Variants in PRKG1 observed in about 807,000 individuals in gnomAD.
PRKG1 encodes the protein protein kinase cGMP-dependent 1, also known as cGMP-dependent protein kinase 1.
A neutral mutation model predicts 88.1 loss-of-function variants in PRKG1; 35 were observed. The observed-to-expected ratio is 0.40, with a 90% CI of 0.30 to 0.53. The LOEUF (loss-of-function observed/expected upper bound fraction) is 0.53. Ranked by LOEUF, PRKG1 falls within the 20% of genes least tolerant of loss-of-function variation. The probability of loss-of-function intolerance (pLI) is 0.59; values close to 1 mark genes in which losing one functional copy is unlikely to be tolerated. For missense variants in PRKG1, 540 were observed against 839.8 expected, an observed-to-expected ratio of 0.64 and a Z score of 4.41; for synonymous variants, 303 against 292.5, an observed-to-expected ratio of 1.04 and a Z score of -0.37.
intron 1 of PRKG1, among the ~76,000 whole-genome samples, chr10:51,040,232 TTG>T (rs373057468): frequency 0.27 from 31,321 of 117,580 alleles, 4,060 homozygotes; most frequent in Admixed American, 0.34. Flanking sequence ...TCCATTCCAT[TTG>T]TGTGTGTGTG....
intron 3 of PRKG1, among the ~76,000 whole-genome samples, chr10:51,651,953 C>T (rs1472997945): frequency 6.6e-6 from 1 of 152,108 alleles, no homozygotes; most frequent in Non-Finnish European, 1.5e-5. Flanking sequence ...TCCTGTAAAG[C>T]TTTTAATAGA....
At chr10:51,003,805 C>T (rs374625494) in intron 1 of PRKG1, among the ~76,000 whole-genome samples, 4 of 151,978 alleles carry the variant, frequency 2.6e-5, no homozygotes, top group Admixed American at 6.6e-5. Flanking sequence ...TTTTTTCACC[C>T]GAAATAAAAT....
At chr10:52,035,969 G>A (rs1442628867) in intron 5 of PRKG1, among the ~76,000 whole-genome samples, 5 of 152,264 alleles carry the variant, frequency 3.3e-5, no homozygotes, top group African/African-American at 1.2e-4. Flanking sequence ...TGCCTAGGAA[G>A]GAAAGGAGTT....
At chr10:51,753,197 A>G (rs555902563) in intron 3 of PRKG1, among the ~76,000 whole-genome samples, 43 of 152,226 alleles carry the variant, frequency 2.8e-4, no homozygotes, top group African/African-American at 9.1e-4. Context: ...TTGCTTATCT[A>G]ATCAATTTTA....
chr10:51,431,094 A>C (rs1367646932), intron 2 of PRKG1, among the ~76,000 whole-genome samples: 1 of 152,184 alleles, frequency 6.6e-6, no homozygotes, highest in Admixed American at 6.5e-5. Flanking sequence ...ACTGAAATAA[A>C]GATGTTAAAA....
intron 8 of PRKG1, among the ~76,000 whole-genome samples, chr10:52,155,932 T>G (rs10740427): frequency 0.7 from 106,594 of 151,794 alleles, 38,970 homozygotes; most frequent in South Asian, 0.83. Context: ...TAAAAGGAGA[T>G]AATTCCTGAA....
intron 14 of PRKG1, among the ~76,000 whole-genome samples, chr10:52,284,221 C>A (rs1384141930): frequency 6.6e-6 from 1 of 151,738 alleles, no homozygotes; most frequent in African/African-American, 2.4e-5. Flanking sequence ...TTCTAAATAA[C>A]CTCAAGGACA....
chr10:51,481,520 A>T (rs1840358861), intron 3 of PRKG1, among the ~76,000 whole-genome samples: 1 of 152,138 alleles, frequency 6.6e-6, no homozygotes, highest in African/African-American at 2.4e-5. Context: ...AAGTGCTAGG[A>T]TTATAGGCAT....
chr10:51,484,070 C>T (rs1190651317), intron 3 of PRKG1, among the ~76,000 whole-genome samples: 3 of 152,014 alleles, frequency 2.0e-5, no homozygotes, highest in African/African-American at 4.8e-5. Context: ...TGTTGATGCA[C>T]GAAATGATAG....
intron 4 of PRKG1, among the ~76,000 whole-genome samples, chr10:51,867,963 A>T (rs922258010): frequency 1.3e-5 from 2 of 152,182 alleles, no homozygotes; most frequent in Non-Finnish European, 2.9e-5. Flanking sequence ...GACTTCACGT[A>T]TAAATTCCTT....
chr10:52,108,690 T>C (rs1345337984), intron 7 of PRKG1, among the ~76,000 whole-genome samples: 5 of 152,162 alleles, frequency 3.3e-5, no homozygotes, highest in Non-Finnish European at 5.9e-5. Context: ...TATTCTGTTA[T>C]TACAAAAAAA....
intron 3 of PRKG1, among the ~76,000 whole-genome samples, chr10:51,702,999 A>G (rs1458840616): frequency 2.0e-5 from 3 of 152,168 alleles, no homozygotes; most frequent in African/African-American, 7.2e-5. Flanking sequence ...CTGGCCTCAG[A>G]CTGATTTTTG....
At chr10:51,041,745 A>G (rs1049322992) in intron 1 of PRKG1, among the ~76,000 whole-genome samples, 1 of 152,170 alleles carries the variant, frequency 6.6e-6, no homozygotes, top group African/African-American at 2.4e-5. Flanking sequence ...CTGCCTTTTT[A>G]TGGAGGAAAT....
chr10:51,733,625 A>G (rs1333305691), intron 3 of PRKG1, among the ~76,000 whole-genome samples: 2 of 152,182 alleles, frequency 1.3e-5, no homozygotes, highest in Non-Finnish European at 2.9e-5. Context: ...GTTGAGGATG[A>G]TTTGATAAAA....
intron 3 of PRKG1, among the ~76,000 whole-genome samples, chr10:51,620,406 C>T (rs1439930496): frequency 1.3e-5 from 2 of 151,988 alleles, no homozygotes; most frequent in Non-Finnish European, 2.9e-5. Flanking sequence ...AAATCACTTC[C>T]TTATGCTTGA....
At chr10:51,522,401 C>T (rs536622534) in intron 3 of PRKG1, among the ~76,000 whole-genome samples, 5 of 152,204 alleles carry the variant, frequency 3.3e-5, no homozygotes, top group South Asian at 4.1e-4. Flanking sequence ...TGATTGAAGA[C>T]GTTGCTTGGT....
At chr10:52,096,658 C>A (rs1010443132) in intron 7 of PRKG1, among the ~76,000 whole-genome samples, 1 of 152,158 alleles carries the variant, frequency 6.6e-6, no homozygotes, top group East Asian at 1.9e-4. Flanking sequence ...CATTAATTTT[C>A]TGAATCCTTG....
At position 51,129,039 on chromosome 10, in the gene PRKG1, A is replaced by C. The variant is rs151166901; in HGVS notation, c.312-24125A>C. ...GGCTATCTGGAATACGGTCTCTGTA[A>C]ATTTTTCAGGTGATCTAATGATGAT... On this transcript the variant is annotated intron_variant, in intron 1 of 17. Coordinates refer to ENST00000373980, the MANE Select transcript of PRKG1 (RefSeq NM_006258.4). Among the ~76,000 whole-genome samples, 394 of 152,248 alleles carry C rather than the reference A, an allele frequency of 2.6e-3. 4 individuals carry two copies. Among genetic ancestry groups the C allele is most frequent in the African/African-American group, 8.6e-3 (358 of 41,532 alleles).
chr10:51,405,216 T>A (rs1484610509), intron 2 of PRKG1, among the ~76,000 whole-genome samples: 1 of 152,238 alleles, frequency 6.6e-6, no homozygotes, highest in Admixed American at 6.5e-5. Context: ...CCTTGACTTA[T>A]GATGGGATTA....
Sources: gnomAD v4.1 joint callset for allele counts (sites outside exome capture counted in the v4.1 genomes callset) on GRCh38, gnomAD v4.1.1 for gene constraint, MANE v1.5 for transcripts, NCBI Gene and HGNC (gene_info 2026-07-23, HGNC 2026-07-21) for gene names.